Variants in SVEP1 observed in about 807,000 individuals in gnomAD.
The protein encoded by SVEP1 is sushi, von Willebrand factor type A, EGF and pentraxin domain-containing protein 1.
Under a neutral mutation model 367.3 loss-of-function variants are expected in SVEP1, and 164 were observed. The ratio of observed to expected loss-of-function variants is 0.45; its 90% CI spans 0.39 to 0.51. SVEP1 has a LOEUF of 0.51. Ranked by LOEUF, SVEP1 falls within the 20% of genes least tolerant of loss-of-function variation. The pLI, the probability that SVEP1 is intolerant of heterozygous loss-of-function variation, is 0.00. For synonymous variants in SVEP1, 1,666 were observed against 1,611.6 expected (o/e 1.03, Z -0.81); for missense variants, 4,117 against 4,425.3 (o/e 0.93, Z 1.98).
At position 110,513,115 on chromosome 9, in the gene SVEP1, A is replaced by T. The variant is rs756798513; in HGVS notation, c.1124-10T>A. ...GCAGGGCAGTGGACAACTAACATTT[A>T]CAAAAATAAAATTGAAAAGCAAAGT... On this transcript the variant is annotated splice_polypyrimidine_tract_variant and intron_variant, in intron 4 of 47. Coordinates refer to ENST00000374469, the MANE Select transcript of SVEP1 (RefSeq NM_153366.4). 6.3e-7 allele frequency: 1 copy of T among 1,590,312 alleles called. No homozygotes were observed. The highest frequency in any genetic ancestry group is 8.6e-7 in the Non-Finnish European group (1 of 1,169,134).
intron 41 of SVEP1, among the ~76,000 whole-genome samples, chr9:110,388,824 C>T (rs1827567834): frequency 6.6e-6 from 1 of 151,726 alleles, no homozygotes; most frequent in Admixed American, 6.6e-5. Context: ...AAAAAATTAC[C>T]CGGGCATGGT....
rs139238525 is a variant in SVEP1 at position 110,495,863 on chromosome 9, C to A, written c.1800+952G>T. Among the ~76,000 whole-genome samples the A allele has an allele frequency of 9.2e-4, 140 of 152,252 alleles. 1 individual carries two copies. The East Asian group carries it at 0.024, about 26-fold the overall frequency. On this transcript the variant is annotated intron_variant, in intron 8 of 47. Transcript: ENST00000374469. ...TTCAGACAAGCTTGAAGAAGAAACA[C>A]CAGTGCTATCTCTTTCTGACTGAAA...
chr9:110,458,633 G>C (rs1302923504), intron 19 of SVEP1, 71 bp from the exon 20 acceptor site: 1 of 1,418,836 alleles, frequency 7.0e-7, no homozygotes, highest in African/African-American at 1.4e-5. Flanking sequence ...TAACACTATG[G>C]TCAAGATTCT....
At chr9:110,397,996 A>G (rs1229235311) in intron 40 of SVEP1, among the ~76,000 whole-genome samples, 1 of 144,210 alleles carries the variant, frequency 6.9e-6, no homozygotes, top group Non-Finnish European at 1.6e-5. Flanking sequence ...AAACTACTTT[A>G]AAGTTCATAT....
chr9:110,569,136 C>T (rs1404298105), intron 1 of SVEP1, among the ~76,000 whole-genome samples: 1 of 151,322 alleles, frequency 6.6e-6, no homozygotes, highest in Admixed American at 6.6e-5. Context: ...AGAAAACAAA[C>T]AAACATACTT....
At position 110,427,542 on chromosome 9, in the gene SVEP1, T is replaced by A. The variant is rs762641482; in HGVS notation, c.5975+49A>T. The A allele has an allele frequency of 1.1e-5, 17 of 1,576,768 alleles. No individual in the cohort carries two copies. In the Admixed American group the frequency reaches 3.0e-4, roughly 28 times the overall value. Reference sequence around the variant, plus strand: ...GAGCCCATCTCTGCAGTCAGGAGCATCCACTTCCTTGGCTCTCAATGATCC... The same window carrying A: ...GAGCCCATCTCTGCAGTCAGGAGCAACCACTTCCTTGGCTCTCAATGATCC... On this transcript the variant is annotated intron_variant, in intron 36 of 47. Transcript: ENST00000374469.
In SVEP1 at chr9:110,375,361, G is replaced by T. The variant is rs538969386; in HGVS notation, c.10600+7C>A. Reference sequence around the variant, plus strand: ...CACCAAGAAAACAAACCATGAAAGAGGCCTACCTGTATGACAGCGAGACCC... The same window carrying T: ...CACCAAGAAAACAAACCATGAAAGATGCCTACCTGTATGACAGCGAGACCC... On this transcript the variant is annotated splice_region_variant and intron_variant, in intron 46 of 47. Coordinates refer to ENST00000374469, the MANE Select transcript of SVEP1 (RefSeq NM_153366.4). 2.5e-5 allele frequency: 38 copies of T among 1,541,596 alleles called. 1 individual carries two copies. In the South Asian group the frequency reaches 4.4e-4, roughly 18 times the overall value.
chr9:110,546,435 A>C, intron 2 of SVEP1, 144 bp from the exon 3 acceptor site: 4 of 932,390 alleles, frequency 4.3e-6, no homozygotes, highest in Non-Finnish European at 6.3e-6. Flanking sequence ...TCCCACCCAA[A>C]TACGAATGTG....
chr9:110,457,248 T>C lies in SVEP1; in HGVS notation c.3673+8A>G. On this transcript the variant is annotated splice_region_variant and intron_variant, in intron 21 of 47. Transcript: ENST00000374469. ...ATATTAAAATCTACATTCCTCTTGG[T>C]TATTTACCTGTATATCCAAGTGGAC... The C allele has an allele frequency of 6.3e-7, 1 of 1,580,342 alleles. No individual in the cohort carries two copies. Among genetic ancestry groups the C allele is most frequent in the Non-Finnish European group, 8.6e-7 (1 of 1,165,292 alleles).
At chr9:110,380,088 CT>C (rs1214478469) in intron 43 of SVEP1, among the ~76,000 whole-genome samples, 3 of 152,280 alleles carry the variant, frequency 2.0e-5, no homozygotes, top group Admixed American at 2.0e-4. Context: ...TAGTTTTCCT[CT>C]TTTCAATACT....
Position 110,579,068 on chromosome 9 carries a change from G to T in SVEP1, c.476C>A (p.Ala159Asp). 2 of 1,550,850 alleles carry T rather than the reference G, an allele frequency of 1.3e-6. No individual in the cohort carries two copies. Residue 159 changes from alanine to aspartate, a missense_variant, in exon 1 of 48, where the codon GCC becomes GAC. Ala to Asp is a moderately radical substitution (Grantham distance 126, BLOSUM62 -2). Transcript: ENST00000374469. The surrounding 1 kb of genome is among the most constrained non-coding windows in gnomAD (Gnocchi z 5.3). ...KCALLLQEIP[A>D]ISYRGGGTYT... The stretch of plus-strand genomic sequence containing the variant: ...GGTGCCGCCACCTCGGTAGGAGATG[G>T]CAGGGATCTCTTGGAGGAGCAGCGC...
intron 43 of SVEP1, among the ~76,000 whole-genome samples, chr9:110,385,696 T>C (rs928910389): frequency 2.7e-5 from 4 of 146,698 alleles, no homozygotes; most frequent in African/African-American, 1.1e-4. Flanking sequence ...TGGGTTTTAG[T>C]TTAGTTCTGG....
At chr9:110,497,567 T>C (rs565974694) in intron 7 of SVEP1, among the ~76,000 whole-genome samples, 1 of 152,370 alleles carries the variant, frequency 6.6e-6, no homozygotes, top group South Asian at 2.1e-4. Context: ...TAAAAAATGT[T>C]GACTGTGACA....
rs1564133888 is a variant in SVEP1 at position 110,407,759 on chromosome 9, CCA to C, written c.7839_7840del (p.Cys2613TrpfsTer13). 1 of 1,613,864 alleles carries C rather than the reference CCA, an allele frequency of 6.2e-7. No homozygotes were observed. The highest frequency in any genetic ancestry group is 1.7e-5 in the Admixed American group (1 of 59,998). ...TCCAAAATCTATATGAGGAGGGAGG[CCA>C]CAGTCTATTGGCATACATGTTGGGA... On this transcript the variant is annotated frameshift_variant, in exon 38 of 48. Coordinates refer to ENST00000374469, the MANE Select transcript of SVEP1 (RefSeq NM_153366.4). LOFTEE classifies it high-confidence loss of function.
intron 47 of SVEP1, among the ~76,000 whole-genome samples, chr9:110,367,227 T>C (rs932622344): frequency 3.9e-5 from 6 of 152,234 alleles, no homozygotes; most frequent in African/African-American, 1.4e-4. Flanking sequence ...TGGCACAATC[T>C]TGGCTCGCTG....
chr9:110,517,098 C>T (rs1250256495), intron 3 of SVEP1, among the ~76,000 whole-genome samples: 1 of 152,140 alleles, frequency 6.6e-6, no homozygotes, highest in Non-Finnish European at 1.5e-5. Context: ...ATTATGTGGG[C>T]AAGCTATTGG....
chr9:110,401,286 GCAA>G (rs1827856786), intron 39 of SVEP1, among the ~76,000 whole-genome samples: 1 of 151,796 alleles, frequency 6.6e-6, no homozygotes, highest in African/African-American at 2.4e-5. Flanking sequence ...AAAATCACGA[GCAA>G]CAAGAAATAT....
intron 3 of SVEP1, among the ~76,000 whole-genome samples, chr9:110,524,830 G>A (rs935822259): frequency 6.6e-6 from 1 of 151,108 alleles, no homozygotes; most frequent in African/African-American, 2.4e-5. Flanking sequence ...TCTTACCTTC[G>A]CTGCCCATGT....
chr9:110,394,553 T>C (rs1827726524), intron 40 of SVEP1, among the ~76,000 whole-genome samples: 1 of 152,030 alleles, frequency 6.6e-6, no homozygotes, highest in African/African-American at 2.4e-5. Flanking sequence ...CAAACTACTC[T>C]CAGCTACAGG....
Sources: gnomAD v4.1 joint callset for allele counts (sites outside exome capture counted in the v4.1 genomes callset) on GRCh38, gnomAD v4.1.1 for gene constraint, Gnocchi (gnomAD v3.1) non-coding constraint, MANE v1.5 for transcripts, NCBI Gene and HGNC (gene_info 2026-07-23, HGNC 2026-07-21) for gene names.